MINK1: variants seen among roughly 807,000 people sequenced by gnomAD.
MINK1 encodes misshapen like kinase 1.
A neutral mutation model predicts 178.4 loss-of-function variants in MINK1; 46 were observed. The observed-to-expected ratio is 0.26, with a 90% CI of 0.20 to 0.33. MINK1 has a LOEUF of 0.33. Among genes scored for constraint, MINK1 ranks in the 10% least tolerant of loss-of-function variants. The pLI, the probability that MINK1 is intolerant of heterozygous loss-of-function variation, is 1.00. For missense variants in MINK1, 1,366 were observed against 1,814.9 expected (o/e 0.75, Z 4.49); for synonymous variants, 797 against 709.7 (o/e 1.12, Z -1.96).
intron 1 of MINK1, chr17:4,874,951 G>T: frequency 8.8e-6 from 4 of 455,046 alleles, no homozygotes; most frequent in South Asian, 6.3e-5. Flanking sequence ...ACTTGATGGT[G>T]ACAGATCATT....
Position 4,895,726 on chromosome 17 carries a change from C to T in MINK1, c.3258C>T (p.Tyr1086=), listed in dbSNP as rs1359308981. The change falls in exon 27 of 32, where the codon TAC becomes TAT. Residue 1086 remains tyrosine, a synonymous_variant. Coordinates refer to ENST00000355280, the MANE Select transcript of MINK1 (RefSeq NM_153827.5). This position sits in a 1 kb window ranked among gnomAD's most constrained non-coding sequence, Gnocchi z 4.3. ...AAAGGAACAAACTGCGGGTGTATTA[C>T]CTGTCCTGGCTCCGGAACAAGATTC... ...SGKRNKLRVY[Y]LSWLRNKILH... 1.2e-6 allele frequency: 2 copies of T among 1,613,552 alleles called. No individual in the cohort carries two copies. The highest frequency in any genetic ancestry group is 1.3e-5 in the African/African-American group (1 of 74,902).
intron 1 of MINK1, among the ~76,000 whole-genome samples, chr17:4,867,971 C>CTT (rs552337563): frequency 7.0e-5 from 10 of 142,344 alleles, no homozygotes; most frequent in Non-Finnish European, 1.5e-4. Flanking sequence ...TCTTCTAGCT[C>CTT]TTTTTTTTTT....
At chr17:4,876,224 T>C (rs1358468042) in intron 1 of MINK1, among the ~76,000 whole-genome samples, 1 of 152,136 alleles carries the variant, frequency 6.6e-6, no homozygotes, top group Non-Finnish European at 1.5e-5. Flanking sequence ...CAATACTTCC[T>C]CCCGAGCAGG....
At chr17:4,875,550 A>G (rs1481099204) in intron 1 of MINK1, 2 of 449,544 alleles carry the variant, frequency 4.4e-6, no homozygotes, top group East Asian at 1.4e-4. Context: ...AGGTGGGTGG[A>G]TCACCTGAGG....
At position 4,885,665 on chromosome 17, in the gene MINK1, A is replaced by G. The variant is rs181198763; in HGVS notation, c.639+52A>G. 78 of 1,609,086 alleles carry G rather than the reference A, an allele frequency of 4.8e-5. No individual in the cohort carries two copies. In the African/African-American group the frequency reaches 8.4e-4, roughly 17 times the overall value. On this transcript the variant is annotated intron_variant, in intron 7 of 31. Transcript: ENST00000355280. The surrounding 1 kb of genome is among the most constrained non-coding windows in gnomAD (Gnocchi z 5.0). Reference sequence around the variant, plus strand: ...GGGGCTGCCAAGGGCGGGAAGCAATATGGGGACCACGGGGCCTGAGCAGGC... The same window carrying G: ...GGGGCTGCCAAGGGCGGGAAGCAATGTGGGGACCACGGGGCCTGAGCAGGC...
At chr17:4,873,973 C>T (rs1173725272) in intron 1 of MINK1, among the ~76,000 whole-genome samples, 3 of 151,990 alleles carry the variant, frequency 2.0e-5, no homozygotes, top group African/African-American at 7.2e-5. Flanking sequence ...GGGAGAGGAC[C>T]GAGGCCTCAA....
intron 1 of MINK1, among the ~76,000 whole-genome samples, chr17:4,853,862 A>T (rs556524122): frequency 6.6e-6 from 1 of 152,188 alleles, no homozygotes; most frequent in Non-Finnish European, 1.5e-5. Context: ...GTAAAGGCTG[A>T]GATACCACCT....
chr17:4,834,320 C>T (rs1383972542), intron 1 of MINK1, among the ~76,000 whole-genome samples: 2 of 151,788 alleles, frequency 1.3e-5, no homozygotes, highest in African/African-American at 4.8e-5. Flanking sequence ...TGGGAGCCCT[C>T]GGGGAGGAGG....
intron 1 of MINK1, among the ~76,000 whole-genome samples, chr17:4,857,827 G>C (rs1042325823): frequency 2.6e-5 from 4 of 151,846 alleles, no homozygotes; most frequent in Admixed American, 1.3e-4. Flanking sequence ...CACACACACA[G>C]ACACACACAC....
chr17:4,855,485 C>A (rs866298302), intron 1 of MINK1, among the ~76,000 whole-genome samples: 261 of 92,358 alleles, frequency 2.8e-3, no homozygotes, highest in Middle Eastern at 0.011. Context: ...GACTCCATCT[C>A]AAAAAAAAAA....
In MINK1 at chr17:4,895,931, T is replaced by C. The variant is rs1969408107; in HGVS notation, c.3365-72T>C. 6.4e-7 allele frequency: 1 copy of C among 1,571,992 alleles called. No individual in the cohort carries two copies. Among genetic ancestry groups the C allele is most frequent in the African/African-American group, 1.4e-5 (1 of 74,052 alleles). On this transcript the variant is annotated intron_variant, in intron 27 of 31. Coordinates refer to ENST00000355280, the MANE Select transcript of MINK1 (RefSeq NM_153827.5). The surrounding 1 kb of genome is among the most constrained non-coding windows in gnomAD (Gnocchi z 4.3). Reference sequence around the variant, plus strand: ...TTGGGGCCTGGGTGGGGCAGTGTAGTGACAGACCACGGGGAGGCGCCCGTG... The same window carrying C: ...TTGGGGCCTGGGTGGGGCAGTGTAGCGACAGACCACGGGGAGGCGCCCGTG...
At chr17:4,877,103 A>C (rs1967247730) in intron 1 of MINK1, among the ~76,000 whole-genome samples, 1 of 151,848 alleles carries the variant, frequency 6.6e-6, no homozygotes, top group Non-Finnish European at 1.5e-5. Context: ...AAAAAAAAAA[A>C]AAGAGCCATC....
chr17:4,834,637 C>A (rs1597355976), intron 1 of MINK1, among the ~76,000 whole-genome samples: 1 of 152,162 alleles, frequency 6.6e-6, no homozygotes, highest in East Asian at 1.9e-4. Flanking sequence ...TTTTCTTCGG[C>A]AGGGAGCTTT....
intron 2 of MINK1, among the ~76,000 whole-genome samples, chr17:4,880,743 CA>C (rs1428813325): frequency 6.6e-6 from 1 of 151,280 alleles, no homozygotes; most frequent in African/African-American, 2.4e-5. Flanking sequence ...ACTAAAAATA[CA>C]AAAAAATTAG....
chr17:4,895,191 C>T lies in MINK1; in HGVS notation c.3034C>T (p.Arg1012Trp). 2 of 1,614,052 alleles carry T rather than the reference C, an allele frequency of 1.2e-6. No homozygotes were observed. The highest frequency in any genetic ancestry group is 2.2e-5 in the East Asian group (1 of 44,868). The part of the protein sequence containing the change: ...TRAHSETPEI[R>W]KYKKRFNSEI... The stretch of plus-strand genomic sequence containing the variant: ...GGCCCACAGTGAGACCCCTGAGATC[C>T]GGAAGTACAAGAAGCGATTCAACTC... The change falls in exon 25 of 32, where the codon CGG (arginine) becomes TGG (tryptophan). Residue 1012 changes from arginine to tryptophan, a missense_variant. Coordinates refer to ENST00000355280, the MANE Select transcript of MINK1 (RefSeq NM_153827.5). The surrounding 1 kb of genome is among the most constrained non-coding windows in gnomAD (Gnocchi z 4.3).
intron 1 of MINK1, among the ~76,000 whole-genome samples, chr17:4,851,603 T>TC (rs1196645218): frequency 6.6e-6 from 1 of 152,074 alleles, no homozygotes; most frequent in African/African-American, 2.4e-5. Context: ...CGAGAAGCCT[T>TC]CCCTTCATCT....
intron 1 of MINK1, among the ~76,000 whole-genome samples, chr17:4,841,946 G>A (rs1314774492): frequency 6.6e-6 from 1 of 152,122 alleles, no homozygotes; most frequent in Non-Finnish European, 1.5e-5. Context: ...GGAGCACCGG[G>A]CACGGTGGCT....
Position 4,896,382 on chromosome 17 carries a change from G to C in MINK1, c.3615+40G>C. On this transcript the variant is annotated intron_variant, in intron 29 of 31. Transcript: ENST00000355280. The surrounding 1 kb of genome is among the most constrained non-coding windows in gnomAD (Gnocchi z 4.6). Reference sequence around the variant, plus strand: ...GCTGCTGGGGGAGTGGGATGGCCCAGTCTGGGCACCAGACACGGAGACTCT... The same window carrying C: ...GCTGCTGGGGGAGTGGGATGGCCCACTCTGGGCACCAGACACGGAGACTCT... 1 of 1,607,980 alleles carries C rather than the reference G, an allele frequency of 6.2e-7. No individual in the cohort carries two copies. Among genetic ancestry groups the C allele is most frequent in the Non-Finnish European group, 8.5e-7 (1 of 1,176,292 alleles).
Position 4,889,642 on chromosome 17 carries a change from C to G in MINK1, c.1231-5C>G. 1.3e-6 allele frequency: 2 copies of G among 1,574,228 alleles called. No individual in the cohort carries two copies. On this transcript the variant is annotated splice_region_variant and splice_polypyrimidine_tract_variant and intron_variant, in intron 12 of 31. Coordinates refer to ENST00000355280, the MANE Select transcript of MINK1 (RefSeq NM_153827.5). Reference sequence around the variant, plus strand: ...GTTCTTAAGACCACCTGGCTCTCCCCACAGCAACAGCGGCGGGAGCGGGAG... The same window carrying G: ...GTTCTTAAGACCACCTGGCTCTCCCGACAGCAACAGCGGCGGGAGCGGGAG...
Sources: gnomAD v4.1 joint callset for allele counts (sites outside exome capture counted in the v4.1 genomes callset) on GRCh38, gnomAD v4.1.1 for gene constraint, Gnocchi (gnomAD v3.1) non-coding constraint, MANE v1.5 for transcripts, NCBI Gene and HGNC (gene_info 2026-07-23, HGNC 2026-07-21) for gene names.